The following CAMK1D variants were observed in gnomAD, a reference collection of about 807,000 sequenced individuals.
The protein encoded by CAMK1D is calcium/calmodulin-dependent protein kinase type 1D.
Under a neutral mutation model 47.7 loss-of-function variants are expected in CAMK1D, and 9 were observed. That is an observed-to-expected ratio of 0.19 (90% CI 0.11 to 0.33). CAMK1D has a LOEUF of 0.33. Ranked by LOEUF, CAMK1D falls within the 10% of genes least tolerant of loss-of-function variation. CAMK1D has a pLI of 1.00. For synonymous variants in CAMK1D, 184 were observed against 184.9 expected, an observed-to-expected ratio of 0.99 and a Z score of 0.04; for missense variants, 291 against 488.7, an observed-to-expected ratio of 0.60 and a Z score of 3.81.
intron 4 of CAMK1D, among the ~76,000 whole-genome samples, chr10:12,767,041 G>A (rs1035998290): frequency 1.3e-5 from 2 of 152,158 alleles, no homozygotes; most frequent in Non-Finnish European, 2.9e-5. Flanking sequence ...CCCGCTGAAG[G>A]GCAAGATCTC....
At chr10:12,571,525 C>G (rs1368008466) in intron 2 of CAMK1D, among the ~76,000 whole-genome samples, 2 of 150,916 alleles carry the variant, frequency 1.3e-5, no homozygotes, top group Non-Finnish European at 3.0e-5. Flanking sequence ...CCCACTGAAT[C>G]AGAATGTGCA....
intron 3 of CAMK1D, among the ~76,000 whole-genome samples, chr10:12,677,917 A>G (rs1003672913): frequency 6.6e-6 from 1 of 152,136 alleles, no homozygotes; most frequent in African/African-American, 2.4e-5. Flanking sequence ...TCTGGTTGCT[A>G]CTGCTGCTGC....
chr10:12,791,406 C>T (rs1386095498), intron 6 of CAMK1D, among the ~76,000 whole-genome samples, 173 bp downstream of exon 6: 3 of 152,166 alleles, frequency 2.0e-5, no homozygotes, highest in South Asian at 2.1e-4. Context: ...GTTGCACAAC[C>T]ACCATTACTA....
intron 1 of CAMK1D, among the ~76,000 whole-genome samples, chr10:12,458,011 C>G (rs189947558): frequency 6.6e-6 from 1 of 152,254 alleles, no homozygotes; most frequent in East Asian, 1.9e-4. Flanking sequence ...AAGTCAGCAA[C>G]CAGCAAAAGC....
intron 1 of CAMK1D, among the ~76,000 whole-genome samples, chr10:12,371,234 C>T (rs1013974360): frequency 2.0e-5 from 3 of 151,996 alleles, no homozygotes; most frequent in East Asian, 1.9e-4. Flanking sequence ...CTTCTAGGCC[C>T]GGAAGCTCCA....
intron 2 of CAMK1D, among the ~76,000 whole-genome samples, chr10:12,626,954 A>G (rs745385511): frequency 6.6e-6 from 1 of 152,204 alleles, no homozygotes; most frequent in East Asian, 1.9e-4. Context: ...ATGACTGTAT[A>G]AATAATGTTC....
intron 2 of CAMK1D, among the ~76,000 whole-genome samples, chr10:12,636,350 C>T (rs1021695035): frequency 4.6e-5 from 7 of 152,142 alleles, no homozygotes; most frequent in African/African-American, 1.7e-4. Context: ...TTTGTTGAGA[C>T]GGTATTTTGC....
intron 1 of CAMK1D, among the ~76,000 whole-genome samples, chr10:12,378,214 C>G (rs11595677): frequency 0.11 from 16,468 of 152,262 alleles, 1,118 homozygotes; most frequent in Middle Eastern, 0.21. Context: ...GTGCACTGCT[C>G]TCTCCGTCTA....
intron 1 of CAMK1D, among the ~76,000 whole-genome samples, chr10:12,411,415 G>A (rs1375025408): frequency 1.3e-5 from 2 of 152,174 alleles, no homozygotes; most frequent in African/African-American, 2.4e-5. Flanking sequence ...GAGATGGTCG[G>A]CGTTTGGGTC....
chr10:12,374,252 C>T (rs571334805), intron 1 of CAMK1D, among the ~76,000 whole-genome samples: 2 of 90,968 alleles, frequency 2.2e-5, no homozygotes, highest in African/African-American at 9.4e-5. Context: ...GAGCGAGACT[C>T]TGTCTCAAAA....
intron 3 of CAMK1D, among the ~76,000 whole-genome samples, chr10:12,689,433 C>T (rs1832785199): frequency 6.6e-6 from 1 of 152,174 alleles, no homozygotes; most frequent in African/African-American, 2.4e-5. Context: ...ACAGAAAACT[C>T]AGGTAAAAGT....
At chr10:12,728,135 C>T (rs1834739663) in intron 3 of CAMK1D, among the ~76,000 whole-genome samples, 1 of 152,200 alleles carries the variant, frequency 6.6e-6, no homozygotes, top group African/African-American at 2.4e-5. Context: ...GATGGTGCCT[C>T]CATAGCACTG....
At chr10:12,786,494 T>C (rs1837727797) in intron 5 of CAMK1D, among the ~76,000 whole-genome samples, 1 of 152,240 alleles carries the variant, frequency 6.6e-6, no homozygotes, top group Non-Finnish European at 1.5e-5. Flanking sequence ...TTAGAACTTT[T>C]CCCCCATAAC....
chr10:12,732,135 G>C (rs1410236932), intron 3 of CAMK1D, among the ~76,000 whole-genome samples: 1 of 152,166 alleles, frequency 6.6e-6, no homozygotes, highest in Non-Finnish European at 1.5e-5. Flanking sequence ...CAACTACTCA[G>C]GAGGCTGAGG....
At position 12,480,663 on chromosome 10, in the gene CAMK1D, C is replaced by T. The variant is rs571709924; in HGVS notation, c.93-72562C>T. Reference sequence around the variant, plus strand: ...TTACAGAGGAGGAAAGGGAGGAGCTCAGAGTTTAAGGGACTTGCCCAAGGC... The same window carrying T: ...TTACAGAGGAGGAAAGGGAGGAGCTTAGAGTTTAAGGGACTTGCCCAAGGC... On this transcript the variant is annotated intron_variant, in intron 1 of 10. Transcript: ENST00000619168. 2.0e-5 allele frequency among the ~76,000 whole-genome samples: 3 copies of T among 152,222 alleles called. No homozygotes were observed. In the South Asian group the frequency reaches 6.2e-4, roughly 32 times the overall value.
At chr10:12,756,200 A>G (rs1836221039) in intron 3 of CAMK1D, among the ~76,000 whole-genome samples, 1 of 152,260 alleles carries the variant, frequency 6.6e-6, no homozygotes, top group African/African-American at 2.4e-5. Context: ...CATTAGCAGA[A>G]GTGCTCCCTT....
At chr10:12,646,893 G>A (rs1258366619) in intron 2 of CAMK1D, among the ~76,000 whole-genome samples, 1 of 152,084 alleles carries the variant, frequency 6.6e-6, no homozygotes, top group African/African-American at 2.4e-5. Flanking sequence ...CCAGGCTGGA[G>A]TGCAGTGGTG....
intron 3 of CAMK1D, among the ~76,000 whole-genome samples, chr10:12,687,586 A>G (rs1273669374): frequency 6.6e-6 from 1 of 152,240 alleles, no homozygotes; most frequent in Non-Finnish European, 1.5e-5. Flanking sequence ...CCAAAGGCAC[A>G]TGATCAAATC....
intron 1 of CAMK1D, among the ~76,000 whole-genome samples, chr10:12,395,065 A>ATTTTTTTT (rs5783265): frequency 1.1e-5 from 1 of 94,728 alleles, no homozygotes; most frequent in Non-Finnish European, 2.0e-5. Context: ...TAAAATTTTA[A>ATTTTTTTT]TTTTTTTTTT....
Sources: allele counts gnomAD v4.1 joint callset (sites outside exome capture counted in the v4.1 genomes callset), GRCh38; gene constraint gnomAD v4.1.1; transcripts MANE v1.5; gene names NCBI Gene and HGNC (gene_info 2026-07-23, HGNC 2026-07-21).